Variants in CDYL2 observed in about 807,000 individuals in gnomAD.
CDYL2 encodes chromodomain Y-like protein 2.
In CDYL2, 23 loss-of-function variants were observed where a neutral mutation model predicts 49.4. The ratio of observed to expected loss-of-function variants is 0.47; its 90% CI spans 0.34 to 0.66. CDYL2 has a LOEUF of 0.66. Ranked by LOEUF, CDYL2 falls within the 30% of genes least tolerant of loss-of-function variation. The pLI, the probability that CDYL2 is intolerant of heterozygous loss-of-function variation, is 0.01. For missense variants in CDYL2, 678 were observed against 656.4 expected, an observed-to-expected ratio of 1.03 and a Z score of -0.36; for synonymous variants, 360 against 268.8, an observed-to-expected ratio of 1.34 and a Z score of -3.32.
chr16:80,759,118 A>ATATATATATATGGTT (rs1555535879), intron 1 of CDYL2, among the ~76,000 whole-genome samples: 90 of 118,462 alleles, frequency 7.6e-4, no homozygotes, highest in South Asian at 6.5e-3. Context: ...ATATATATAT[A>ATATATATATATGGTT]TATATATATA....
At chr16:80,637,239 G>A (rs1300129185) in intron 2 of CDYL2, among the ~76,000 whole-genome samples, 4 of 151,752 alleles carry the variant, frequency 2.6e-5, no homozygotes, top group African/African-American at 9.7e-5. Flanking sequence ...AAAAAAAGGG[G>A]GAAACGAAAG....
At chr16:80,661,450 C>A (rs1171539125) in intron 2 of CDYL2, among the ~76,000 whole-genome samples, 1 of 152,172 alleles carries the variant, frequency 6.6e-6, no homozygotes, top group Non-Finnish European at 1.5e-5. Flanking sequence ...ATGGGATTCA[C>A]ACAGGTTGTC....
intron 1 of CDYL2, among the ~76,000 whole-genome samples, chr16:80,761,185 G>C (rs1489930745): frequency 1.3e-5 from 2 of 152,162 alleles, no homozygotes; most frequent in African/African-American, 4.8e-5. Flanking sequence ...AACTCAGCAG[G>C]TGAAGCCCAG....
chr16:80,754,943 A>G (rs757198890), intron 1 of CDYL2, among the ~76,000 whole-genome samples: 7 of 152,072 alleles, frequency 4.6e-5, no homozygotes, highest in Non-Finnish European at 7.3e-5. Context: ...ACGAGGGGAA[A>G]TATCATTAGG....
chr16:80,778,653 G>A (rs1449113461), intron 1 of CDYL2, among the ~76,000 whole-genome samples: 4 of 151,980 alleles, frequency 2.6e-5, no homozygotes, highest in African/African-American at 9.7e-5. Flanking sequence ...TTTATCCAAA[G>A]TTACGTATAA....
chr16:80,658,253 T>C (rs1908894599), intron 2 of CDYL2, among the ~76,000 whole-genome samples: 1 of 152,034 alleles, frequency 6.6e-6, no homozygotes, highest in East Asian at 1.9e-4. Flanking sequence ...TTTGGAAGTA[T>C]GTTAAAACAT....
rs370267093 is a variant in CDYL2 at position 80,729,692 on chromosome 16, T to C, written c.25-44563A>G. On this transcript the variant is annotated intron_variant, in intron 1 of 6. Transcript: ENST00000570137. ...CACACCTATTCCAAAATTGACCACA[T>C]AGTTGGAAGTAAAGCTCTCCTCGGC... is the stretch of plus-strand genomic sequence containing the variant. Among the ~76,000 whole-genome samples the C allele has an allele frequency of 2.9e-3, 435 of 152,180 alleles. 3 individuals are homozygous for C. The highest frequency in any genetic ancestry group is 4.9e-3 in the Non-Finnish European group (332 of 68,016).
chr16:80,707,292 C>G (rs377747060), intron 1 of CDYL2, among the ~76,000 whole-genome samples: 2 of 152,142 alleles, frequency 1.3e-5, no homozygotes, highest in South Asian at 4.2e-4. Flanking sequence ...GCAAGATCCC[C>G]ATCTCTACAA....
chr16:80,753,623 A>T (rs1377381111), intron 1 of CDYL2, among the ~76,000 whole-genome samples: 2 of 152,126 alleles, frequency 1.3e-5, no homozygotes, highest in African/African-American at 4.8e-5. Flanking sequence ...AAAGAAAAAA[A>T]AATCAATTCC....
chr16:80,800,813 A>G (rs1294197102), intron 1 of CDYL2, among the ~76,000 whole-genome samples: 1 of 152,334 alleles, frequency 6.6e-6, no homozygotes, highest in East Asian at 1.9e-4. Context: ...AAACCCAGAG[A>G]GAGACAAGAA....
chr16:80,629,566 G>A (rs1043618830), intron 3 of CDYL2, among the ~76,000 whole-genome samples: 3 of 152,170 alleles, frequency 2.0e-5, no homozygotes, highest in Non-Finnish European at 4.4e-5. Context: ...TTTCAATCAA[G>A]GAGACTGTGT....
At chr16:80,621,455 A>C (rs1399531124) in intron 3 of CDYL2, among the ~76,000 whole-genome samples, 1 of 152,240 alleles carries the variant, frequency 6.6e-6, no homozygotes, top group African/African-American at 2.4e-5. Context: ...ACCTGGGTTC[A>C]GTGTCCCACT....
intron 3 of CDYL2, among the ~76,000 whole-genome samples, chr16:80,626,361 T>G (rs1005760951): frequency 1.3e-5 from 2 of 151,644 alleles, no homozygotes; most frequent in African/African-American, 4.9e-5. Context: ...AATACTGATA[T>G]TCATTAATTT....
chr16:80,749,193 CTTATTT>C (rs1180972085), intron 1 of CDYL2, among the ~76,000 whole-genome samples: 1 of 152,048 alleles, frequency 6.6e-6, no homozygotes, highest in Non-Finnish European at 1.5e-5. Context: ...CTCTGGTATT[CTTATTT>C]TAATTTATGA....
At chr16:80,773,840 T>C (rs1039920671) in intron 1 of CDYL2, among the ~76,000 whole-genome samples, 1 of 151,980 alleles carries the variant, frequency 6.6e-6, no homozygotes, top group East Asian at 1.9e-4. Flanking sequence ...TGAAATCTAA[T>C]GAACTAAACA....
intron 1 of CDYL2, among the ~76,000 whole-genome samples, chr16:80,774,812 C>CA (rs971184217): frequency 9.5e-5 from 14 of 148,076 alleles, no homozygotes; most frequent in African/African-American, 3.5e-4. Context: ...GAGCAAAGCA[C>CA]AAAAAATAAA....
At chr16:80,636,846 A>G (rs1375452379) in intron 2 of CDYL2, among the ~76,000 whole-genome samples, 1 of 152,226 alleles carries the variant, frequency 6.6e-6, no homozygotes, top group African/African-American at 2.4e-5. Context: ...AATGTGGCAC[A>G]TATATACCAT....
upstream of CDYL2, among the ~76,000 whole-genome samples, chr16:80,805,014 G>A (rs915223508): frequency 6.6e-6 from 1 of 152,192 alleles, no homozygotes; most frequent in African/African-American, 2.4e-5. Context: ...AGGGAGGAAG[G>A]ATGAAATGGC....
chr16:80,762,181 T>C (rs1404972391), intron 1 of CDYL2, among the ~76,000 whole-genome samples: 1 of 151,888 alleles, frequency 6.6e-6, no homozygotes, highest in Non-Finnish European at 1.5e-5. Context: ...GAGACTTGTC[T>C]CAAAAATAAA....
Sources: gnomAD v4.1 joint callset for allele counts (sites outside exome capture counted in the v4.1 genomes callset) on GRCh38, gnomAD v4.1.1 for gene constraint, MANE v1.5 for transcripts, NCBI Gene and HGNC (gene_info 2026-07-23, HGNC 2026-07-21) for gene names.